The following MDN1 variants were observed in gnomAD, a reference collection of about 807,000 sequenced individuals.
MDN1 encodes midasin AAA ATPase 1, also known as midasin.
MDN1 carries 266 observed loss-of-function variants against 669.2 expected under a neutral mutation model. The observed-to-expected ratio is 0.40, with a 90% CI of 0.36 to 0.44. The LOEUF (loss-of-function observed/expected upper bound fraction) is 0.44, where lower values mean the gene tolerates loss of function less well. Among genes scored for constraint, MDN1 ranks in the 20% least tolerant of loss-of-function variants. The probability of loss-of-function intolerance (pLI) is 1.00; values close to 1 mark genes in which losing one functional copy is unlikely to be tolerated. For missense variants in MDN1, 5,940 were observed against 6,754.0 expected (o/e 0.88, Z 4.22); for synonymous variants, 2,385 against 2,457.1 (o/e 0.97, Z 0.87).
intron 11 of MDN1, among the ~76,000 whole-genome samples, 193 bp from the exon 12 acceptor site, chr6:89,776,888 T>C (rs2128323640): frequency 6.6e-6 from 1 of 152,092 alleles, no homozygotes; most frequent in South Asian, 2.1e-4. Flanking sequence ...AGGACACCAA[T>C]AAATATAAAT....
chr6:89,730,228 C>A (rs998490411), intron 35 of MDN1, among the ~76,000 whole-genome samples: 4 of 152,182 alleles, frequency 2.6e-5, no homozygotes, highest in Admixed American at 2.6e-4. Context: ...ATCATTCACT[C>A]ATCCATCAGA....
chr6:89,760,287 A>C (rs1817478020), intron 17 of MDN1, among the ~76,000 whole-genome samples: 1 of 152,172 alleles, frequency 6.6e-6, no homozygotes, highest in South Asian at 2.1e-4. Flanking sequence ...ACAGGACAGC[A>C]AACAGTAGAG....
At chr6:89,706,517 C>G (rs1813526841) in intron 52 of MDN1, among the ~76,000 whole-genome samples, 1 of 151,772 alleles carries the variant, frequency 6.6e-6, no homozygotes, top group Non-Finnish European at 1.5e-5. Context: ...GTGCATGAAA[C>G]AAAGTTTGGA....
At chr6:89,667,362 C>G (rs1410686747) in intron 84 of MDN1, among the ~76,000 whole-genome samples, 2 of 151,874 alleles carry the variant, frequency 1.3e-5, no homozygotes, top group African/African-American at 4.8e-5. Context: ...TTTTCTCTGC[C>G]AAGGAAGGGA....
In MDN1 at chr6:89,698,955, G is replaced by T; in HGVS notation, c.9078C>A (p.Thr3026=). Reference sequence around the variant, plus strand: ...ACATTAGCCAGTACTCTGGATTTGTGGTCACAGTACTGCTCCAGAAAGACA... The same window carrying T: ...ACATTAGCCAGTACTCTGGATTTGTTGTCACAGTACTGCTCCAGAAAGACA... ...MFMSFWSSTV[T]TNPEYWLMWN... is the part of the protein sequence containing the mutation. The change falls in exon 59 of 102, where the codon ACC becomes ACA. Residue 3026 remains threonine, a synonymous_variant. Coordinates refer to ENST00000369393, the MANE Select transcript of MDN1 (RefSeq NM_014611.3). 3 of 1,613,946 alleles carry T rather than the reference G, an allele frequency of 1.9e-6. No homozygotes were observed. The highest frequency in any genetic ancestry group is 2.5e-6 in the Non-Finnish European group (3 of 1,179,968).
intron 24 of MDN1, among the ~76,000 whole-genome samples, 159 bp from the exon 25 acceptor site, chr6:89,749,910 C>G (rs893660519): frequency 6.6e-6 from 1 of 152,184 alleles, no homozygotes; most frequent in South Asian, 2.1e-4. Flanking sequence ...CACTGCAGAT[C>G]AAGGAGGAAC....
chr6:89,681,340 T>A (rs1011963285), intron 73 of MDN1, among the ~76,000 whole-genome samples: 1 of 152,016 alleles, frequency 6.6e-6, no homozygotes, highest in Non-Finnish European at 1.5e-5. Context: ...TGCCTGGCTA[T>A]TTTTTGTATT....
chr6:89,746,415 C>T (rs60762647), intron 27 of MDN1, among the ~76,000 whole-genome samples: 1 of 151,628 alleles, frequency 6.6e-6, no homozygotes, highest in African/African-American at 2.4e-5. Context: ...AACACCATCT[C>T]TACAAAAAAT....
rs762663882 is a variant in MDN1, at chr6:89,644,185, G to A, written c.16611C>T (p.Ile5537=). 1.2e-6 allele frequency: 2 copies of A among 1,607,396 alleles called. No individual in the cohort carries two copies. The highest frequency in any genetic ancestry group is 1.7e-6 in the Non-Finnish European group (2 of 1,177,482). ...VLDNPSSRDS[I]LDIKVPIFKG... ...TAAATATCGGTACTTTAATGTCCAA[G>A]ATAGAATCCTGTCAACAAAAGACAT... The change falls in exon 102 of 102, where the codon ATC becomes ATT. Residue 5537 remains isoleucine, a synonymous_variant. Transcript: ENST00000369393.
intron 72 of MDN1, 80 bp downstream of exon 72, chr6:89,683,751 T>C (rs1337548785): frequency 3.9e-6 from 4 of 1,019,370 alleles, no homozygotes; most frequent in African/African-American, 3.2e-5. Context: ...AGTTAGGTTA[T>C]GGTAACTATG....
chr6:89,653,433 CTG>C (rs1809024214), intron 93 of MDN1, among the ~76,000 whole-genome samples: 1 of 152,200 alleles, frequency 6.6e-6, no homozygotes, highest in South Asian at 2.1e-4. Context: ...CCTTGTAAAA[CTG>C]TATGATTCTT....
Position 89,695,611 on chromosome 6 carries a change from C to T in MDN1, c.9765G>A (p.Lys3255=). ...VKREYKLNYV[K]EELHQLQCEW... The stretch of plus-strand genomic sequence containing the variant: ...ATACTCTTGCCTCCCATACCTCTTC[C>T]TTGACGTAATTGAGCTTGTACTCCC... Residue 3255 remains lysine (K), a synonymous_variant, in exon 61 of 102, where the codon AAG becomes AAA. Transcript: ENST00000369393. This position sits in a 1 kb window ranked among gnomAD's most constrained non-coding sequence, Gnocchi z 4.1. The T allele has an allele frequency of 6.3e-7, 1 of 1,591,746 alleles. No homozygotes were observed. Among genetic ancestry groups the T allele is most frequent in the East Asian group, 2.3e-5 (1 of 44,396 alleles).
rs910577884 is a variant in MDN1 at position 89,685,852 on chromosome 6, C to G, written c.11694G>C (p.Leu3898Phe). ...QMLLVFHCHV[L>F]LMPQVEGKDS... ...CCTTTCCTTCAACCTGTGGCATCAG[C>G]AAGACATGACAATGGAAAACCAGTA... The change falls in exon 70 of 102, where the codon TTG becomes TTC. Residue 3898 changes from leucine (L) to phenylalanine (F), a missense_variant. Leu to Phe is a conservative substitution (Grantham distance 22). Transcript: ENST00000369393. The G allele has an allele frequency of 4.3e-6, 7 of 1,613,676 alleles. No individual in the cohort carries two copies. Among genetic ancestry groups the G allele is most frequent in the Non-Finnish European group, 5.9e-6 (7 of 1,179,974 alleles).
intron 19 of MDN1, among the ~76,000 whole-genome samples, chr6:89,757,266 C>T (rs1483337094): frequency 1.3e-5 from 2 of 152,096 alleles, no homozygotes; most frequent in African/African-American, 2.4e-5. Context: ...CATGTCAGTG[C>T]TTAGTGGCGA....
chr6:89,700,592 C>G, intron 56 of MDN1, 54 bp downstream of exon 56: 1 of 1,560,322 alleles, frequency 6.4e-7, no homozygotes, highest in South Asian at 1.1e-5. Context: ...TAACTACCAG[C>G]AAGAGGATAT....
chr6:89,807,520 T>C (rs1429991181), intron 1 of MDN1, among the ~76,000 whole-genome samples: 1 of 152,240 alleles, frequency 6.6e-6, no homozygotes, highest in African/African-American at 2.4e-5. Context: ...ATGTTATTTA[T>C]TACTTGTTTC....
intron 2 of MDN1, 103 bp from the exon 3 acceptor site, chr6:89,794,904 TA>T: frequency 2.2e-6 from 2 of 917,454 alleles, no homozygotes; most frequent in African/African-American, 3.3e-5. Context: ...ATTTTCAACT[TA>T]AGCTATTTTC....
rs575784240 is a variant in MDN1, at chr6:89,756,758, T to C, written c.2703-368A>G. The stretch of plus-strand genomic sequence containing the variant: ...TAACATGGTGAAACCCCGTCTCTAC[T>C]AAAAATACAAGAATTAGCCAGGTGT... On this transcript the variant is annotated intron_variant, in intron 19 of 101. Coordinates refer to ENST00000369393, the MANE Select transcript of MDN1 (RefSeq NM_014611.3). Among the ~76,000 whole-genome samples the C allele has an allele frequency of 2.0e-5, 3 of 152,088 alleles. No homozygotes were observed. The South Asian group carries it at 6.2e-4, about 32-fold the overall frequency.
In MDN1 at chr6:89,658,202, T is replaced by C; in HGVS notation, c.15183+7A>G. 1.9e-6 allele frequency: 3 copies of C among 1,613,992 alleles called. No homozygotes were observed. In the East Asian group the frequency reaches 6.7e-5, roughly 36 times the overall value. ...CAGCTGGCGGCTGCAGTGAAACCACTGATCACCTCTTTCCCCTGCTCCTTC... is the reference window on the plus strand; with the variant it reads ...CAGCTGGCGGCTGCAGTGAAACCACCGATCACCTCTTTCCCCTGCTCCTTC... On this transcript the variant is annotated splice_region_variant and intron_variant, in intron 90 of 101. Transcript: ENST00000369393.
Sources: gnomAD v4.1 joint callset for allele counts (sites outside exome capture counted in the v4.1 genomes callset) on GRCh38, gnomAD v4.1.1 for gene constraint, Gnocchi (gnomAD v3.1) non-coding constraint, MANE v1.5 for transcripts, NCBI Gene and HGNC (gene_info 2026-07-23, HGNC 2026-07-21) for gene names.